The following EPHA6 variants were observed in gnomAD, a reference collection of about 807,000 sequenced individuals.
EPHA6 encodes ephrin type-A receptor 6.
A neutral mutation model predicts 112.0 loss-of-function variants in EPHA6; 50 were observed. That is an observed-to-expected ratio of 0.45 (90% CI 0.36 to 0.56). The LOEUF (loss-of-function observed/expected upper bound fraction) is 0.56. Ranked by LOEUF, EPHA6 falls within the 20% of genes least tolerant of loss-of-function variation. EPHA6 has a pLI of 0.00. For synonymous variants in EPHA6, 529 were observed against 490.7 expected (o/e 1.08, Z -1.03); for missense variants, 1,280 against 1,417.4 (o/e 0.90, Z 1.56).
At chr3:97,335,358 C>G (rs1346968676) in intron 5 of EPHA6, among the ~76,000 whole-genome samples, 1 of 152,138 alleles carries the variant, frequency 6.6e-6, no homozygotes, top group East Asian at 1.9e-4. Context: ...TTCTTAGCCT[C>G]TAGAACAGTG....
At chr3:97,386,494 A>T (rs1394278840) in intron 5 of EPHA6, among the ~76,000 whole-genome samples, 1 of 152,238 alleles carries the variant, frequency 6.6e-6, no homozygotes, top group Non-Finnish European at 1.5e-5. Flanking sequence ...CTTTGACTCC[A>T]TGTCTCACAT....
rs900933677 is a variant in EPHA6, at chr3:97,447,079, A to G, written c.1732-1489A>G. ...TTATTATTTGGGGTATAAATGGCAA[A>G]TTCAATTCTTTAGCTAGACACAGAA... On this transcript the variant is annotated intron_variant, in intron 6 of 17. Transcript: ENST00000389672. Among the ~76,000 whole-genome samples, 3 of 152,138 alleles carry G rather than the reference A, an allele frequency of 2.0e-5. No individual in the cohort carries two copies. The East Asian group carries it at 5.8e-4, about 29-fold the overall frequency.
chr3:97,522,485 T>C (rs1357906742), intron 10 of EPHA6, among the ~76,000 whole-genome samples: 3 of 152,200 alleles, frequency 2.0e-5, no homozygotes. Flanking sequence ...TCTACCTTCA[T>C]CAAGGATATA....
intron 12 of EPHA6, 109 bp from the exon 13 acceptor site, chr3:97,610,684 C>A: frequency 2.4e-6 from 2 of 820,686 alleles, no homozygotes; most frequent in East Asian, 2.6e-5. Context: ...AATGAAATTC[C>A]TATTAATAAA....
Position 97,181,363 on chromosome 3 carries a change from G to A in EPHA6, c.1115-44901G>A, listed in dbSNP as rs555502530. ...CACCTGATTTTTGGTTCTTATGAAG[G>A]TGTTTTTTCTCTGTAGATAGTTGTT... On this transcript the variant is annotated intron_variant, in intron 3 of 17. Coordinates refer to ENST00000389672, the MANE Select transcript of EPHA6 (RefSeq NM_001080448.3). Among the ~76,000 whole-genome samples, 6 of 152,136 alleles carry A rather than the reference G, an allele frequency of 3.9e-5. No homozygotes were observed. The South Asian group carries it at 1.0e-3, about 26-fold the overall frequency.
chr3:96,996,950 G>A (rs1290772905), intron 3 of EPHA6, among the ~76,000 whole-genome samples: 1 of 152,002 alleles, frequency 6.6e-6, no homozygotes, highest in East Asian at 1.9e-4. Flanking sequence ...CCTAAATGTG[G>A]CCACCTTCCT....
intron 2 of EPHA6, among the ~76,000 whole-genome samples, chr3:96,963,862 T>C (rs565219570): frequency 6.6e-6 from 1 of 152,300 alleles, no homozygotes; most frequent in South Asian, 2.1e-4. Context: ...TATAAACCTA[T>C]TCTTCAATTT....
chr3:97,088,394 T>C (rs940064072), intron 3 of EPHA6, among the ~76,000 whole-genome samples: 4 of 152,124 alleles, frequency 2.6e-5, no homozygotes, highest in East Asian at 1.9e-4. Context: ...GGATTATTCA[T>C]GTGAGAAGGT....
chr3:97,369,037 A>T (rs1286364227), intron 5 of EPHA6, among the ~76,000 whole-genome samples: 1 of 152,206 alleles, frequency 6.6e-6, no homozygotes, highest in Non-Finnish European at 1.5e-5. Flanking sequence ...TATGAACAGC[A>T]TTCCAAAAAC....
chr3:97,261,997 A>T (rs2079518948), intron 5 of EPHA6, among the ~76,000 whole-genome samples: 1 of 152,216 alleles, frequency 6.6e-6, no homozygotes, highest in African/African-American at 2.4e-5. Flanking sequence ...CACAGTTCTT[A>T]GTTATAAAAC....
chr3:96,840,867 A>G (rs1404449351), intron 1 of EPHA6, among the ~76,000 whole-genome samples: 1 of 152,120 alleles, frequency 6.6e-6, no homozygotes, highest in Non-Finnish European at 1.5e-5. Flanking sequence ...AAAAAAATCT[A>G]TTCATTTTTG....
intron 2 of EPHA6, among the ~76,000 whole-genome samples, chr3:96,945,746 A>T (rs2041222345): frequency 6.6e-6 from 1 of 152,198 alleles, no homozygotes; most frequent in Non-Finnish European, 1.5e-5. Context: ...TTAGTAGATT[A>T]AAGTTGTAAA....
intron 2 of EPHA6, among the ~76,000 whole-genome samples, chr3:96,883,769 T>G (rs1345017459): frequency 6.6e-6 from 1 of 152,022 alleles, no homozygotes; most frequent in Non-Finnish European, 1.5e-5. Context: ...TGGGTTGAAG[T>G]AATTCTCCCT....
At position 97,652,073 on chromosome 3, in the gene EPHA6, C is replaced by G. The variant is rs551254466; in HGVS notation, c.2784+13991C>G. On this transcript the variant is annotated intron_variant, in intron 14 of 17. Transcript: ENST00000389672. ...TCAATGCATACTCCATGTTTTGCTC[C>G]CACTTAAAATAACATACCTGCTGAC... Among the ~76,000 whole-genome samples, 10 of 152,066 alleles carry G rather than the reference C, an allele frequency of 6.6e-5. No individual in the cohort carries two copies. In the South Asian group the frequency reaches 1.0e-3, roughly 16 times the overall value.
chr3:97,305,692 G>A (rs1322590755), intron 5 of EPHA6, among the ~76,000 whole-genome samples: 2 of 151,876 alleles, frequency 1.3e-5, no homozygotes, highest in Non-Finnish European at 2.9e-5. Context: ...ACAGGGAGGG[G>A]AACAACACAC....
intron 14 of EPHA6, among the ~76,000 whole-genome samples, chr3:97,699,744 G>T (rs532203483): frequency 1.3e-5 from 2 of 152,130 alleles, no homozygotes; most frequent in African/African-American, 4.8e-5. Flanking sequence ...ACCAAGAAAC[G>T]TCTAGAAAAC....
Position 97,429,998 on chromosome 3 carries a change from AG to A in EPHA6, c.1732-18569del, listed in dbSNP as rs2107227700. On this transcript the variant is annotated intron_variant, in intron 6 of 17. Transcript: ENST00000389672. ...CTCCGTGGGCTTACTAAGCCAGACAAGCTTCCAAAGAGAATGTGATGTTTGC... is the reference window on the plus strand; with the variant it reads ...CTCCGTGGGCTTACTAAGCCAGACAACTTCCAAAGAGAATGTGATGTTTGC... 2.0e-5 allele frequency among the ~76,000 whole-genome samples: 3 copies of A among 152,336 alleles called. No individual in the cohort carries two copies. In the South Asian group the frequency reaches 6.2e-4, roughly 32 times the overall value.
At chr3:96,957,324 A>T (rs78267151) in intron 2 of EPHA6, among the ~76,000 whole-genome samples, 1 of 152,212 alleles carries the variant, frequency 6.6e-6, no homozygotes, top group Non-Finnish European at 1.5e-5. Flanking sequence ...ATGGCTAAAG[A>T]TATAACTATG....
intron 5 of EPHA6, among the ~76,000 whole-genome samples, chr3:97,374,786 C>T (rs1460775395): frequency 6.6e-6 from 1 of 152,134 alleles, no homozygotes; most frequent in Non-Finnish European, 1.5e-5. Flanking sequence ...AACACAGATG[C>T]AGCTGGAGGC....
Sources: allele counts gnomAD v4.1 joint callset (sites outside exome capture counted in the v4.1 genomes callset), GRCh38; gene constraint gnomAD v4.1.1; transcripts MANE v1.5; gene names NCBI Gene and HGNC (gene_info 2026-07-23, HGNC 2026-07-21).